Variants in KDM3A observed in about 807,000 individuals in gnomAD.
KDM3A encodes lysine demethylase 3A.
Under a neutral mutation model 158.0 loss-of-function variants are expected in KDM3A, and 60 were observed. The observed-to-expected ratio is 0.38, with a 90% CI of 0.31 to 0.47. The LOEUF is 0.47. Among genes scored for constraint, KDM3A ranks in the 20% least tolerant of loss-of-function variants. The pLI is 0.99. For missense variants in KDM3A, 1,319 were observed against 1,574.3 expected, an observed-to-expected ratio of 0.84 and a Z score of 2.74; for synonymous variants, 608 against 549.3, an observed-to-expected ratio of 1.11 and a Z score of -1.49.
upstream of KDM3A, among the ~76,000 whole-genome samples, chr2:86,438,297 A>G (rs1682524021): frequency 6.6e-6 from 1 of 152,154 alleles, no homozygotes; most frequent in Admixed American, 6.5e-5. Context: ...TTAAATTTTA[A>G]AAGTAACATG....
At chr2:86,463,900 A>AGAG (rs761566658) in intron 8 of KDM3A, among the ~76,000 whole-genome samples, 153 bp from the exon 9 acceptor site, 11 of 152,198 alleles carry the variant, frequency 7.2e-5, no homozygotes, top group Non-Finnish European at 1.5e-4. Flanking sequence ...TGAATTGTAT[A>AGAG]GTTTATCACT....
intron 8 of KDM3A, among the ~76,000 whole-genome samples, chr2:86,461,267 TAGC>T (rs922960590): frequency 2.0e-4 from 30 of 152,144 alleles, no homozygotes; most frequent in Admixed American, 6.5e-5. Flanking sequence ...CTTGTAAAAA[TAGC>T]AGATTTCTCC....
At chr2:86,485,886 A>T (rs1251581359) in intron 21 of KDM3A, 27 bp downstream of exon 21, 1 of 1,601,032 alleles carries the variant, frequency 6.2e-7, no homozygotes, top group Non-Finnish European at 8.6e-7. Flanking sequence ...TAACTTTAAA[A>T]TGGAAATAAA....
intron 11 of KDM3A, among the ~76,000 whole-genome samples, chr2:86,474,231 C>A (rs1233620149): frequency 6.6e-6 from 1 of 152,190 alleles, no homozygotes; most frequent in Non-Finnish European, 1.5e-5. Context: ...TCTCCTCCCT[C>A]CTCTTTCCCC....
rs770995675 is a variant in KDM3A at position 86,474,804 on chromosome 2, C to T, written c.1753C>T (p.Arg585Trp). 7 of 1,583,138 alleles carry T rather than the reference C, an allele frequency of 4.4e-6. No individual in the cohort carries two copies. In the Admixed American group the frequency reaches 5.1e-5, roughly 12 times the overall value. ...RLQFNKHGVL[R>W]VEGFLTPNKY... The stretch of plus-strand genomic sequence containing the variant: ...ACAATTCAACAAACATGGTGTGTTG[C>T]GGGTAGAAGGCTTCTTAACACCAAA... Residue 585 changes from arginine to tryptophan, a missense_variant, in exon 12 of 26, where the codon CGG (arginine) becomes TGG (tryptophan). Transcript: ENST00000312912.
intron 11 of KDM3A, among the ~76,000 whole-genome samples, chr2:86,472,643 C>T (rs756326530): frequency 5.3e-5 from 8 of 152,130 alleles, no homozygotes; most frequent in Non-Finnish European, 1.0e-4. Context: ...CTTGTCCTTC[C>T]AGTTTATTCT....
intron 6 of KDM3A, 97 bp from the exon 7 acceptor site, chr2:86,456,708 C>T (rs1263391420): frequency 4.7e-6 from 6 of 1,267,430 alleles, no homozygotes; most frequent in Admixed American, 4.2e-5. Context: ...AGAAATTATT[C>T]ATAAGAAGCT....
chr2:86,453,533 C>G (rs532446394), intron 4 of KDM3A, among the ~76,000 whole-genome samples: 1 of 152,292 alleles, frequency 6.6e-6, no homozygotes, highest in South Asian at 2.1e-4. Context: ...CTTGCACTTT[C>G]GTTAAGCCCT....
At chr2:86,447,968 A>G (rs1011289460) in intron 2 of KDM3A, among the ~76,000 whole-genome samples, 2 of 152,188 alleles carry the variant, frequency 1.3e-5, no homozygotes, top group Non-Finnish European at 2.9e-5. Flanking sequence ...GTCAGAGCAT[A>G]TGGATTCTGT....
At position 86,442,321 on chromosome 2, in the gene KDM3A, A is replaced by G. The variant is rs998891853; in HGVS notation, c.186+88A>G. On this transcript the variant is annotated intron_variant, in intron 2 of 25. Coordinates refer to ENST00000312912, the MANE Select transcript of KDM3A (RefSeq NM_018433.6). ...CGGTTCCCTCCTTCCGTTTTCTGAA[A>G]ACGGAGACCAGAAAGTTGGCATATG... 5.6e-6 allele frequency: 7 copies of G among 1,258,888 alleles called. No homozygotes were observed. The Admixed American group carries it at 1.7e-4, about 31-fold the overall frequency. The allele number at this position is 1,258,888 out of a possible 1,614,324, so 78.0% of individuals were successfully genotyped here.
chr2:86,474,701 TTGTGTGTGTGTGTGTGTGTG>T (rs369518183), intron 11 of KDM3A, 55 bp from the exon 12 acceptor site: 3 of 429,136 alleles, frequency 7.0e-6, no homozygotes, highest in African/African-American at 4.7e-5. Flanking sequence ...TGTAAATAAG[TTGTGTGTGTGTGTGTGTGTG>T]TGTGTGTGTG....
chr2:86,453,628 G>A (rs1227244772), intron 4 of KDM3A, among the ~76,000 whole-genome samples: 1 of 152,070 alleles, frequency 6.6e-6, no homozygotes, highest in East Asian at 1.9e-4. Flanking sequence ...TCATCTTGTA[G>A]TAGGAATTGG....
Position 86,448,861 on chromosome 2 carries a change from A to G in KDM3A, c.187-946A>G, listed in dbSNP as rs79389975. On this transcript the variant is annotated intron_variant, in intron 2 of 25. Coordinates refer to ENST00000312912, the MANE Select transcript of KDM3A (RefSeq NM_018433.6). ...GAGGGAGTTTATTGTCATTGGTAGA[A>G]TACAAAAAGCATTGAAGAGGACCTA... is the stretch of plus-strand genomic sequence containing the variant. Among the ~76,000 whole-genome samples the G allele has an allele frequency of 5.3e-5, 8 of 152,324 alleles. No individual in the cohort carries two copies. The East Asian group carries it at 1.5e-3, about 29-fold the overall frequency.
intron 2 of KDM3A, chr2:86,443,620 G>A (rs913745551): frequency 1.3e-5 from 2 of 152,158 alleles, no homozygotes; most frequent in African/African-American, 4.8e-5. Context: ...ACATACGTAG[G>A]AATTGACATA....
upstream of KDM3A, among the ~76,000 whole-genome samples, chr2:86,438,984 A>G (rs1010728427): frequency 2.6e-5 from 4 of 151,842 alleles, no homozygotes; most frequent in African/African-American, 4.8e-5. Context: ...TCCTTCTCCA[A>G]CTGGAGTACA....
chr2:86,453,242 A>G (rs1192406720), intron 4 of KDM3A, among the ~76,000 whole-genome samples: 1 of 152,174 alleles, frequency 6.6e-6, no homozygotes, highest in East Asian at 1.9e-4. Context: ...AACTGGGAGA[A>G]CTATAATGTG....
At chr2:86,449,633 G>A (rs929005536) in intron 2 of KDM3A, among the ~76,000 whole-genome samples, 174 bp from the exon 3 acceptor site, 2 of 152,168 alleles carry the variant, frequency 1.3e-5, no homozygotes, top group African/African-American at 2.4e-5. Context: ...CCTGGTTCAT[G>A]TGTGATTATG....
At chr2:86,483,078 G>C in intron 18 of KDM3A, 1 of 205,320 alleles carries the variant, frequency 4.9e-6, no homozygotes, top group South Asian at 8.6e-5. Flanking sequence ...TGAATGAAAA[G>C]CCTGTGCTGA....
chr2:86,447,775 A>C (rs1355585801), intron 2 of KDM3A, among the ~76,000 whole-genome samples: 1 of 152,242 alleles, frequency 6.6e-6, no homozygotes, highest in Non-Finnish European at 1.5e-5. Context: ...ATGTAAAATC[A>C]TTCTAAGAGA....
Sources: gnomAD v4.1 joint callset for allele counts (sites outside exome capture counted in the v4.1 genomes callset) on GRCh38, gnomAD v4.1.1 for gene constraint, MANE v1.5 for transcripts, NCBI Gene and HGNC (gene_info 2026-07-23, HGNC 2026-07-21) for gene names.